PDK1: variants seen among roughly 807,000 people sequenced by gnomAD.
PDK1 encodes [Pyruvate dehydrogenase (acetyl-transferring)] kinase isozyme 1, mitochondrial.
In PDK1, 39 loss-of-function variants were observed where a neutral mutation model predicts 54.2. The observed-to-expected ratio is 0.72, with a 90% CI of 0.56 to 0.94. The LOEUF (loss-of-function observed/expected upper bound fraction) is 0.94. Ranked by LOEUF, PDK1 falls within the 40% of genes least tolerant of loss-of-function variation. The probability of loss-of-function intolerance (pLI) is 0.00; values close to 1 mark genes in which losing one functional copy is unlikely to be tolerated. For synonymous variants in PDK1, 221 were observed against 207.1 expected (o/e 1.07, Z -0.58); for missense variants, 552 against 566.0 (o/e 0.98, Z 0.25).
At chr2:172,686,624 G>A in the PDK1 span, among the ~76,000 whole-genome samples, 19,070 of 152,130 alleles carry the variant, frequency 0.13, 1,299 homozygotes, top group South Asian at 0.2. Flanking sequence ...CACTTTTTAC[G>A]CTGTGGAAGC....
the PDK1 span, among the ~76,000 whole-genome samples, chr2:172,635,605 C>T: frequency 2.0e-5 from 3 of 152,138 alleles, no homozygotes; most frequent in South Asian, 2.1e-4. Context: ...TGTGAGCCAC[C>T]GCACCCTGTA....
chr2:172,668,052 T>A, the PDK1 span, among the ~76,000 whole-genome samples: 1 of 152,194 alleles, frequency 6.6e-6, no homozygotes, highest in Non-Finnish European at 1.5e-5. Flanking sequence ...AGGAGCCTAT[T>A]TAAAGGATTG....
rs1408162656 is a variant in PDK1 at position 172,601,212 on chromosome 2, G to C, written c.*5243G>C. 1 of 152,102 alleles carries C rather than the reference G, an allele frequency of 6.6e-6. No homozygotes were observed. Among genetic ancestry groups the C allele is most frequent in the African/African-American group, 2.4e-5 (1 of 41,408 alleles). 9.4% of individuals were successfully genotyped at this position (152,102 alleles called of 1,614,324 possible). Reference sequence around the variant, plus strand: ...AATGACTCAGTACAACAAAGAAACTGAGTAGTAACCAGTGCAAAACTAGCA... The same window carrying C: ...AATGACTCAGTACAACAAAGAAACTCAGTAGTAACCAGTGCAAAACTAGCA... On this transcript the variant is annotated 3_prime_UTR_variant, in exon 11 of 11. Coordinates refer to ENST00000282077, the MANE Select transcript of PDK1 (RefSeq NM_002610.5).
chr2:172,663,355 G>A, the PDK1 span, among the ~76,000 whole-genome samples: 1 of 152,308 alleles, frequency 6.6e-6, no homozygotes, highest in Non-Finnish European at 1.5e-5. Flanking sequence ...CATTTTGATA[G>A]GACTTGAACA....
intron 6 of PDK1, among the ~76,000 whole-genome samples, chr2:172,568,437 A>T (rs1365616736): frequency 2.6e-5 from 4 of 152,074 alleles, no homozygotes; most frequent in African/African-American, 9.7e-5. Flanking sequence ...TAAAATTCCT[A>T]CCCGAAAGTT....
chr2:172,709,042 C>G, the PDK1 span, among the ~76,000 whole-genome samples: 1 of 149,604 alleles, frequency 6.7e-6, no homozygotes, highest in African/African-American at 2.4e-5. Flanking sequence ...TTCTCTCTCT[C>G]TCTCTTTTTT....
chr2:172,591,249 G>A (rs902520225), intron 9 of PDK1, among the ~76,000 whole-genome samples: 3 of 152,148 alleles, frequency 2.0e-5, no homozygotes, highest in Non-Finnish European at 4.4e-5. Flanking sequence ...CTAGAAAGGG[G>A]AGAAGCCATG....
the PDK1 span, among the ~76,000 whole-genome samples, chr2:172,660,358 G>T: frequency 7.1e-6 from 1 of 140,422 alleles, no homozygotes; most frequent in Admixed American, 7.7e-5. Context: ...CTGGGTTCAA[G>T]CAATTCTCCT....
chr2:172,621,096 A>G, the PDK1 span, among the ~76,000 whole-genome samples: 3 of 152,208 alleles, frequency 2.0e-5, no homozygotes, highest in Non-Finnish European at 4.4e-5. Flanking sequence ...CCTGGCCAAC[A>G]TGGCAAAACC....
At chr2:172,556,857 A>G (rs1356043800) in intron 1 of PDK1, among the ~76,000 whole-genome samples, 4 of 152,246 alleles carry the variant, frequency 2.6e-5, no homozygotes, top group Non-Finnish European at 5.9e-5. Context: ...CACCAACAGC[A>G]CATTTCATCA....
At chr2:172,700,565 G>T in the PDK1 span, among the ~76,000 whole-genome samples, 1 of 151,766 alleles carries the variant, frequency 6.6e-6, no homozygotes, top group Non-Finnish European at 1.5e-5. Flanking sequence ...GACGATGGGC[G>T]GCCGGGCAGA....
chr2:172,712,695 C>T, the PDK1 span, among the ~76,000 whole-genome samples: 2 of 152,194 alleles, frequency 1.3e-5, no homozygotes, highest in Non-Finnish European at 2.9e-5. Flanking sequence ...GGTGTCACAG[C>T]CGTGGCTTGG....
chr2:172,634,287 T>TATTATTATTA, the PDK1 span, among the ~76,000 whole-genome samples: 6 of 149,466 alleles, frequency 4.0e-5, no homozygotes, highest in Admixed American at 6.7e-5. Flanking sequence ...TTATTATTAT[T>TATTATTATTA]TTGGAGACCG....
chr2:172,694,130 T>G, the PDK1 span, among the ~76,000 whole-genome samples: 1 of 152,178 alleles, frequency 6.6e-6, no homozygotes, highest in Admixed American at 6.5e-5. Context: ...TCTTTCTCTT[T>G]CCTCACCCTT....
At chr2:172,636,919 A>C in the PDK1 span, among the ~76,000 whole-genome samples, 150,621 of 152,136 alleles carry the variant, frequency 0.99, 74,594 homozygotes, top group Middle Eastern at 1. Context: ...CCAATGCAAA[A>C]AAAATAAAAA....
chr2:172,579,111 T>C (rs1285623817), intron 8 of PDK1, among the ~76,000 whole-genome samples: 2 of 152,222 alleles, frequency 1.3e-5, no homozygotes, highest in Non-Finnish European at 2.9e-5. Flanking sequence ...CCTATGGCTA[T>C]CTCATTCCCT....
the PDK1 span, among the ~76,000 whole-genome samples, chr2:172,620,541 T>C: frequency 1.3e-5 from 2 of 152,132 alleles, no homozygotes; most frequent in Non-Finnish European, 1.5e-5. Flanking sequence ...GGGGCTCTGA[T>C]ACGGTTTAGC....
At chr2:172,564,396 T>C in intron 3 of PDK1, 107 bp from the exon 4 acceptor site, 1 of 810,758 alleles carries the variant, frequency 1.2e-6, no homozygotes, top group Non-Finnish European at 2.0e-6. Context: ...GATTTTCCTT[T>C]TATTAAATTG....
Position 172,599,732 on chromosome 2 carries a change from A to T in PDK1, c.*3763A>T, listed in dbSNP as rs1393946686. ...ATGTTTGGAAAAAAGAATTGAACAT[A>T]TGTACCACCCCCCTCTTTCTAGAGT... is the stretch of plus-strand genomic sequence containing the variant. On this transcript the variant is annotated 3_prime_UTR_variant, in exon 11 of 11. Transcript: ENST00000282077. The T allele has an allele frequency of 6.6e-6, 1 of 152,194 alleles. No individual in the cohort carries two copies. Among genetic ancestry groups the T allele is most frequent in the Non-Finnish European group, 1.5e-5 (1 of 68,024 alleles). 9.4% of individuals were successfully genotyped at this position (152,194 alleles called of 1,614,324 possible). A position where few individuals can be genotyped will look rare whatever the true frequency, so the allele number is the denominator to read the frequency against.
Sources: allele counts gnomAD v4.1 joint callset (sites outside exome capture counted in the v4.1 genomes callset), GRCh38; gene constraint gnomAD v4.1.1; transcripts MANE v1.5; gene names NCBI Gene and HGNC (gene_info 2026-07-23, HGNC 2026-07-21).